Variants in SCARA5 observed in about 807,000 individuals in gnomAD.
SCARA5 encodes scavenger receptor class A member 5.
A neutral mutation model predicts 46.3 loss-of-function variants in SCARA5; 45 were observed. The ratio of observed to expected loss-of-function variants is 0.97; its 90% CI spans 0.76 to 1.24. SCARA5 has a LOEUF of 1.24. SCARA5 is among the 50% of genes most tolerant of loss of function. The pLI is 0.00. For missense variants in SCARA5, 680 were observed against 689.0 expected (o/e 0.99, Z 0.15); for synonymous variants, 333 against 306.5 (o/e 1.09, Z -0.90).
chr8:27,887,704 C>T (rs1267388071), intron 7 of SCARA5, among the ~76,000 whole-genome samples: 1 of 152,130 alleles, frequency 6.6e-6, no homozygotes, highest in African/African-American at 2.4e-5. Context: ...TCCCTGCTTC[C>T]CCAGAACTGG....
In SCARA5 at chr8:27,887,464, G is replaced by A. The variant is rs146958280; in HGVS notation, c.1154-7698C>T. On this transcript the variant is annotated intron_variant, in intron 7 of 8. Coordinates refer to ENST00000354914, the MANE Select transcript of SCARA5 (RefSeq NM_173833.6). Reference sequence around the variant, plus strand: ...CTGGCTACAAGGCTGGTCCCTACCAGCTCTGTGCAGGAATGGCACCGGCAC... The same window carrying A: ...CTGGCTACAAGGCTGGTCCCTACCAACTCTGTGCAGGAATGGCACCGGCAC... Among the ~76,000 whole-genome samples, 139 of 152,276 alleles carry A rather than the reference G, an allele frequency of 9.1e-4. 2 individuals carry two copies. The highest frequency in any genetic ancestry group is 3.2e-3 in the African/African-American group (134 of 41,532).
At chr8:27,910,956 T>C (rs1202584640) in intron 4 of SCARA5, among the ~76,000 whole-genome samples, 2 of 152,084 alleles carry the variant, frequency 1.3e-5, no homozygotes, top group Non-Finnish European at 2.9e-5. Context: ...AGGCGGCGAG[T>C]GAGTGAGGCA....
chr8:27,892,114 G>A (rs1376980411), intron 7 of SCARA5, among the ~76,000 whole-genome samples: 1 of 152,202 alleles, frequency 6.6e-6, no homozygotes, highest in Non-Finnish European at 1.5e-5. Context: ...GTTCACACTG[G>A]GGAATACGGA....
intron 4 of SCARA5, among the ~76,000 whole-genome samples, chr8:27,913,081 G>A (rs533693712): frequency 2.0e-5 from 3 of 152,290 alleles, no homozygotes; most frequent in South Asian, 2.1e-4. Flanking sequence ...GACAACTTCC[G>A]GGTATTCCAA....
chr8:27,981,392 A>C (rs958098401), intron 2 of SCARA5, among the ~76,000 whole-genome samples: 3 of 152,208 alleles, frequency 2.0e-5, no homozygotes. Context: ...GGAAAAGCCC[A>C]GGTGGACAGG....
At chr8:27,909,363 A>G (rs2726990) in intron 5 of SCARA5, among the ~76,000 whole-genome samples, 84,338 of 151,636 alleles carry the variant, frequency 0.56, 24,115 homozygotes, top group Non-Finnish European at 0.63. Context: ...AACATCTCCA[A>G]CTCCTTCTGC....
chr8:27,968,034 T>C (rs986909112), intron 2 of SCARA5, among the ~76,000 whole-genome samples: 2 of 152,164 alleles, frequency 1.3e-5, no homozygotes, highest in Non-Finnish European at 2.9e-5. Context: ...GATAGTACCA[T>C]GTTTGCAATT....
At chr8:27,951,349 G>C (rs913677746) in intron 3 of SCARA5, among the ~76,000 whole-genome samples, 2 of 152,184 alleles carry the variant, frequency 1.3e-5, no homozygotes, top group Non-Finnish European at 2.9e-5. Flanking sequence ...TCCAAAAACT[G>C]ATCGGCGCCA....
At chr8:27,905,401 G>A (rs1807236668) in intron 6 of SCARA5, among the ~76,000 whole-genome samples, 1 of 151,842 alleles carries the variant, frequency 6.6e-6, no homozygotes. Flanking sequence ...AAATGACAAG[G>A]GACTTCTATT....
At chr8:27,952,905 C>A (rs1219847542) in intron 3 of SCARA5, among the ~76,000 whole-genome samples, 1 of 152,124 alleles carries the variant, frequency 6.6e-6, no homozygotes, top group East Asian at 1.9e-4. Flanking sequence ...AGCCTTTTGT[C>A]AAAAGTCAGA....
intron 7 of SCARA5, among the ~76,000 whole-genome samples, chr8:27,897,040 A>T (rs1278638571): frequency 6.6e-6 from 1 of 151,976 alleles, no homozygotes; most frequent in Non-Finnish European, 1.5e-5. Flanking sequence ...TGCAGTGAGC[A>T]GAGATTGTGC....
At chr8:27,956,250 G>A (rs1026966459) in intron 3 of SCARA5, among the ~76,000 whole-genome samples, 11 of 152,104 alleles carry the variant, frequency 7.2e-5, no homozygotes, top group South Asian at 2.1e-4. Flanking sequence ...ACACCATTAC[G>A]CAATATACCC....
At chr8:27,929,613 T>C (rs768059847) in intron 3 of SCARA5, among the ~76,000 whole-genome samples, 6 of 152,120 alleles carry the variant, frequency 3.9e-5, no homozygotes, top group Non-Finnish European at 8.8e-5. Context: ...GCTCAGGAAG[T>C]CAGGAGATTG....
At chr8:27,925,014 C>T (rs924108746) in intron 3 of SCARA5, among the ~76,000 whole-genome samples, 8 of 152,224 alleles carry the variant, frequency 5.3e-5, no homozygotes, top group Non-Finnish European at 1.0e-4. Flanking sequence ...AAGAACATTC[C>T]ATGCTCGTGA....
intron 3 of SCARA5, among the ~76,000 whole-genome samples, chr8:27,941,334 G>A (rs1807941400): frequency 1.3e-5 from 2 of 152,184 alleles, no homozygotes. Context: ...CTGGGTTTGA[G>A]TCCTGACCAC....
chr8:27,900,671 A>T (rs1807137092), intron 7 of SCARA5, among the ~76,000 whole-genome samples: 1 of 152,156 alleles, frequency 6.6e-6, no homozygotes, highest in African/African-American at 2.4e-5. Flanking sequence ...ACTTAAAAAA[A>T]ACCTGAATTC....
chr8:27,988,402 C>T (rs1316540570), intron 1 of SCARA5, among the ~76,000 whole-genome samples: 1 of 152,210 alleles, frequency 6.6e-6, no homozygotes, highest in Non-Finnish European at 1.5e-5. Flanking sequence ...TTAGGAGAAT[C>T]CTATGCTCTT....
In SCARA5 at chr8:27,896,356, C is replaced by T. The variant is rs527807859; in HGVS notation, c.1153+8422G>A. On this transcript the variant is annotated intron_variant, in intron 7 of 8. Coordinates refer to ENST00000354914, the MANE Select transcript of SCARA5 (RefSeq NM_173833.6). Reference sequence around the variant, plus strand: ...CCCTAGTTCCTATCCCAGTTCTCCTCCTCCTCTATGTTCTAGGTCTGAGTC... The same window carrying T: ...CCCTAGTTCCTATCCCAGTTCTCCTTCTCCTCTATGTTCTAGGTCTGAGTC... 1.8e-4 allele frequency among the ~76,000 whole-genome samples: 28 copies of T among 152,264 alleles called. No homozygotes were observed. The South Asian group carries it at 3.3e-3, about 18-fold the overall frequency.
At chr8:27,924,136 C>G (rs1410909179) in intron 3 of SCARA5, among the ~76,000 whole-genome samples, 1 of 152,124 alleles carries the variant, frequency 6.6e-6, no homozygotes, top group Non-Finnish European at 1.5e-5. Context: ...TGTGTCCTGT[C>G]CACGGCTGTT....
Sources: gnomAD v4.1 joint callset for allele counts (sites outside exome capture counted in the v4.1 genomes callset) on GRCh38, gnomAD v4.1.1 for gene constraint, MANE v1.5 for transcripts, NCBI Gene and HGNC (gene_info 2026-07-23, HGNC 2026-07-21) for gene names.